Variants in PLCG1 observed in about 807,000 individuals in gnomAD.
The protein encoded by PLCG1 is phospholipase C gamma 1, also known as 1-phosphatidylinositol 4,5-bisphosphate phosphodiesterase gamma-1.
In PLCG1, 71 loss-of-function variants were observed where a neutral mutation model predicts 177.8. The ratio of observed to expected loss-of-function variants is 0.40; its 90% CI spans 0.33 to 0.49. The LOEUF (loss-of-function observed/expected upper bound fraction) is 0.49. PLCG1 is among the 20% of genes least tolerant of loss of function. The pLI is 0.72. For missense variants in PLCG1, 1,281 were observed against 1,709.0 expected (o/e 0.75, Z 4.42); for synonymous variants, 658 against 647.9 (o/e 1.02, Z -0.24).
At position 41,167,941 on chromosome 20, in the gene PLCG1, G is replaced by A. The variant is rs1434987885; in HGVS notation, c.2379+12G>A. ...TGCCAACTTTCAAGGTACAGCTCAG[G>A]CCTCTGGGCATAGGAAGCTGGGGAG... On this transcript the variant is annotated intron_variant, in intron 20 of 31. Transcript: ENST00000685551. The surrounding 1 kb of genome is among the most constrained non-coding windows in gnomAD (Gnocchi z 4.4). 2 of 1,600,850 alleles carry A rather than the reference G, an allele frequency of 1.2e-6. No homozygotes were observed. The highest frequency in any genetic ancestry group is 1.7e-6 in the Non-Finnish European group (2 of 1,168,308).
At position 41,174,034 on chromosome 20, in the gene PLCG1, G is replaced by T. The variant is rs1424556720; in HGVS notation, c.3645+23G>T. 6.2e-7 allele frequency: 1 copy of T among 1,611,204 alleles called. No individual in the cohort carries two copies. Among genetic ancestry groups the T allele is most frequent in the Non-Finnish European group, 8.5e-7 (1 of 1,177,562 alleles). On this transcript the variant is annotated intron_variant, in intron 30 of 31. Coordinates refer to ENST00000685551, the MANE Select transcript of PLCG1 (RefSeq NM_002660.3). This position sits in a 1 kb window ranked among gnomAD's most constrained non-coding sequence, Gnocchi z 5.8. ...AAGGTATCTGCAGCAGGGGTGGGCT[G>T]GCCTGGGGTAGGTGGGAGGAGAGCC...
At position 41,163,604 on chromosome 20, in the gene PLCG1, T is replaced by G. The variant is rs2035586303; in HGVS notation, c.892-111T>G. The G allele has an allele frequency of 1.9e-6, 2 of 1,053,152 alleles. No individual in the cohort carries two copies. Among genetic ancestry groups the G allele is most frequent in the Non-Finnish European group, 3.0e-6 (2 of 677,372 alleles). The allele number at this position is 1,053,152 out of a possible 1,614,324, so 65.2% of individuals were successfully genotyped here. ...CCTTGTTTCTACCTACTGTGCACCT[T>G]GCCCACCCCCAGTTGGGACAGAGCA... On this transcript the variant is annotated intron_variant, in intron 9 of 31. Coordinates refer to ENST00000685551, the MANE Select transcript of PLCG1 (RefSeq NM_002660.3). The surrounding 1 kb of genome is among the most constrained non-coding windows in gnomAD (Gnocchi z 5.2).
intron 1 of PLCG1, among the ~76,000 whole-genome samples, chr20:41,158,772 G>A (rs1230888379): frequency 1.3e-5 from 2 of 152,226 alleles, no homozygotes; most frequent in South Asian, 4.1e-4. Context: ...CCCAGAGCTC[G>A]TGCATGTTTT....
At position 41,165,268 on chromosome 20, in the gene PLCG1, T is replaced by C; in HGVS notation, c.1410T>C (p.Ser470=). The C allele has an allele frequency of 6.2e-7, 1 of 1,614,104 alleles. No homozygotes were observed. Residue 470 remains serine, a synonymous_variant, in exon 14 of 32, where the codon AGT becomes AGC. Transcript: ENST00000685551. This position sits in a 1 kb window ranked among gnomAD's most constrained non-coding sequence, Gnocchi z 6.6. ...LIKHKKLAEG[S]AYEEVPTSMM... ...AGCACAAGAAGCTGGCTGAGGGCAG[T>C]GCCTACGAGGAGGTGCCTACATCCA... is the stretch of plus-strand genomic sequence containing the variant.
In PLCG1 at chr20:41,157,202, C is replaced by CTGTG. The variant is rs1491358367; in HGVS notation, c.218-2403_218-2402insGTGT. Among the ~76,000 whole-genome samples the CTGTG allele has an allele frequency of 3.4e-5, 2 of 59,318 alleles. No individual in the cohort carries two copies. Among genetic ancestry groups the CTGTG allele is most frequent in the East Asian group, 9.5e-4 (1 of 1,058 alleles). 38.9% of individuals were successfully genotyped at this position (59,318 alleles called of 152,430 possible). ...ATGTGCAGGAGTGCAGGCCTGTTGACTCTGTGTGTGTGTGTGTGTGTGTGT... is the reference window on the plus strand; with the variant it reads ...ATGTGCAGGAGTGCAGGCCTGTTGACTGTGTCTGTGTGTGTGTGTGTGTGTGTGT... On this transcript the variant is annotated intron_variant, in intron 1 of 31. Transcript: ENST00000685551. This position sits in a 1 kb window ranked among gnomAD's most constrained non-coding sequence, Gnocchi z 5.4.
chr20:41,155,783 C>G (rs558569028), intron 1 of PLCG1, among the ~76,000 whole-genome samples: 4 of 152,250 alleles, frequency 2.6e-5, no homozygotes, highest in Non-Finnish European at 5.9e-5. Context: ...TGGGCTGTCT[C>G]CAGACTTCTC....
At position 41,165,100 on chromosome 20, in the gene PLCG1, A is replaced by C; in HGVS notation, c.1385A>C (p.Lys462Thr). 6.2e-7 allele frequency: 1 copy of C among 1,612,008 alleles called. No homozygotes were observed. The highest frequency in any genetic ancestry group is 8.5e-7 in the Non-Finnish European group (1 of 1,178,472). ...PNQLKRKILI[K>T]HKKLAEGSAY... ...CAGCTTAAGAGGAAGATCCTCATCAAGGTGGGGTGGCGGGCTTATTGCGGA... is the reference window on the plus strand; with the variant it reads ...CAGCTTAAGAGGAAGATCCTCATCACGGTGGGGTGGCGGGCTTATTGCGGA... The change falls in exon 13 of 32, where the codon AAG becomes ACG. Residue 462 changes from lysine (K) to threonine (T), a missense_variant and splice_region_variant. Physicochemically the swap from Lys to Thr is moderately conservative, Grantham distance 78. Transcript: ENST00000685551. The surrounding 1 kb of genome is among the most constrained non-coding windows in gnomAD (Gnocchi z 6.6).
chr20:41,171,681 C>T (rs974017056), intron 24 of PLCG1, among the ~76,000 whole-genome samples: 49 of 150,130 alleles, frequency 3.3e-4, no homozygotes, highest in African/African-American at 1.2e-3. Flanking sequence ...AGAGATTTGG[C>T]ATGGAGATTT....
chr20:41,150,568 C>T lies in PLCG1; in HGVS notation c.218-9038C>T, dbSNP rs1273630514. Among the ~76,000 whole-genome samples the T allele has an allele frequency of 6.6e-6, 1 of 152,138 alleles. No homozygotes were observed. Among genetic ancestry groups the T allele is most frequent in the Non-Finnish European group, 1.5e-5 (1 of 68,022 alleles). On this transcript the variant is annotated intron_variant, in intron 1 of 31. Transcript: ENST00000685551. This position sits in a 1 kb window ranked among gnomAD's most constrained non-coding sequence, Gnocchi z 4.0. ...CTAGACTCCTGACACAGAGGCTGAC[C>T]CATGGCTGCCTGGAGAATCTTCTGG...
chr20:41,172,998 G>A lies in PLCG1; in HGVS notation c.3279+121G>A. ...CATCAAGGTGGTCAGGGTGGGTGGG[G>A]CCTGAGCTGAGTCTTTGAAGGGGTG... On this transcript the variant is annotated intron_variant, in intron 27 of 31. Coordinates refer to ENST00000685551, the MANE Select transcript of PLCG1 (RefSeq NM_002660.3). The surrounding 1 kb of genome is among the most constrained non-coding windows in gnomAD (Gnocchi z 7.0). The A allele has an allele frequency of 9.9e-7, 1 of 1,010,868 alleles. No homozygotes were observed. The highest frequency in any genetic ancestry group is 1.4e-6 in the Non-Finnish European group (1 of 693,894). 62.6% of individuals were successfully genotyped at this position (1,010,868 alleles called of 1,614,324 possible).
rs894472822 is a variant in PLCG1 at position 41,165,729 on chromosome 20, C to T, written c.1702C>T (p.Leu568=). 8.1e-6 allele frequency: 13 copies of T among 1,613,942 alleles called. No homozygotes were observed. The Middle Eastern group carries it at 4.9e-4, about 61-fold the overall frequency. ...TGACGGGCGTCACATCGCTGAGCGC[C>T]TGCTTACTGAGTACTGCATCGAGAC... ...GRDGRHIAER[L]LTEYCIETGA... is the part of the protein sequence containing the mutation. Residue 568 remains leucine (L), a synonymous_variant, in exon 16 of 32, where the codon CTG becomes TTG. Coordinates refer to ENST00000685551, the MANE Select transcript of PLCG1 (RefSeq NM_002660.3). The surrounding 1 kb of genome is among the most constrained non-coding windows in gnomAD (Gnocchi z 6.6).
At chr20:41,168,590 T>G (rs919281377) in intron 20 of PLCG1, among the ~76,000 whole-genome samples, 177 bp from the exon 21 acceptor site, 3 of 152,218 alleles carry the variant, frequency 2.0e-5, no homozygotes, top group South Asian at 2.1e-4. Flanking sequence ...GTCCTGGAGC[T>G]TCCCTGCAGG....
Position 41,167,706 on chromosome 20 carries a change from C to A in PLCG1, c.2302-146C>A. 1.6e-6 allele frequency: 1 copy of A among 635,250 alleles called. No homozygotes were observed. 39.4% of individuals were successfully genotyped at this position (635,250 alleles called of 1,614,324 possible). ...GAGGCCGGGCCTGAGGCCTCTGAAG[C>A]CGTCTCTACTGAGGTCGAAGGATCC... On this transcript the variant is annotated intron_variant, in intron 19 of 31. Transcript: ENST00000685551. The surrounding 1 kb of genome is among the most constrained non-coding windows in gnomAD (Gnocchi z 4.4).
rs774651732 is a variant in PLCG1, at chr20:41,166,376, A to G, written c.1982A>G (p.Asn661Ser). Residue 661 changes from asparagine to serine, a missense_variant, in exon 17 of 32, where the codon AAC (asparagine) becomes AGC (serine). Asn to Ser is a conservative substitution (Grantham distance 46). This residue lies in a region of PLCG1 where 723 missense variants were observed against 1,030.0 expected (regional missense o/e 0.70). Transcript: ENST00000685551. The surrounding 1 kb of genome is among the most constrained non-coding windows in gnomAD (Gnocchi z 8.6). ...MRLSEPVPQT[N>S]AHESKEWYHA... ...CTTTCAGAGCCTGTCCCACAGACCA[A>G]CGCCCACGAGAGCAAAGAGTGAGGG... The G allele has an allele frequency of 4.3e-6, 7 of 1,613,940 alleles. No individual in the cohort carries two copies. The South Asian group carries it at 4.4e-5, about 10-fold the overall frequency.
Position 41,173,247 on chromosome 20 carries a change from C to G in PLCG1, c.3280-173C>G, listed in dbSNP as rs192097428. Reference sequence around the variant, plus strand: ...ACTTCAGATAAACTACAGGCAGCAGCTGCTCTGGACAGCTTAGGGTCCCTG... The same window carrying G: ...ACTTCAGATAAACTACAGGCAGCAGGTGCTCTGGACAGCTTAGGGTCCCTG... On this transcript the variant is annotated intron_variant, in intron 27 of 31. Transcript: ENST00000685551. The surrounding 1 kb of genome is among the most constrained non-coding windows in gnomAD (Gnocchi z 6.2). Among the ~76,000 whole-genome samples, 1 of 152,130 alleles carries G rather than the reference C, an allele frequency of 6.6e-6. No individual in the cohort carries two copies. The highest frequency in any genetic ancestry group is 1.5e-5 in the Non-Finnish European group (1 of 68,032).
rs537850559 is a variant in PLCG1, at chr20:41,166,781, T to C, written c.2223T>C (p.Tyr741=). 8.7e-6 allele frequency: 14 copies of C among 1,613,924 alleles called. No individual in the cohort carries two copies. The highest frequency in any genetic ancestry group is 3.3e-5 in the South Asian group (3 of 91,080). The change falls in exon 19 of 32, where the codon TAT becomes TAC. Residue 741 remains tyrosine (Y), a synonymous_variant. Coordinates refer to ENST00000685551, the MANE Select transcript of PLCG1 (RefSeq NM_002660.3). This position sits in a 1 kb window ranked among gnomAD's most constrained non-coding sequence, Gnocchi z 8.6. ...FDSLVDLISY[Y]EKHPLYRKMK... Reference sequence around the variant, plus strand: ...GCCTTGTTGACCTCATCAGCTACTATGAGAAACACCCGCTATACCGCAAGA... The same window carrying C: ...GCCTTGTTGACCTCATCAGCTACTACGAGAAACACCCGCTATACCGCAAGA...
Position 41,172,525 on chromosome 20 carries a change from A to G in PLCG1, c.3010A>G (p.Asn1004Asp). ...KAKGKKFLQY[N>D]RLQLSRIYPK... ...CAAAGGCAAGAAGTTCCTTCAGTAC[A>G]ATCGACTGCAGCTCTCCCGCATCTA... Residue 1004 changes from asparagine (N) to aspartate (D), a missense_variant, in exon 26 of 32, where the codon AAT (asparagine) becomes GAT (aspartate). By Grantham distance (23) the Asn-to-Asp change is conservative. This residue lies in a region of PLCG1 where 723 missense variants were observed against 1,030.0 expected (regional missense o/e 0.70). Coordinates refer to ENST00000685551, the MANE Select transcript of PLCG1 (RefSeq NM_002660.3). The surrounding 1 kb of genome is among the most constrained non-coding windows in gnomAD (Gnocchi z 7.0). 2 of 1,614,192 alleles carry G rather than the reference A, an allele frequency of 1.2e-6. No homozygotes were observed. Among genetic ancestry groups the G allele is most frequent in the Non-Finnish European group, 1.7e-6 (2 of 1,180,010 alleles).
intron 1 of PLCG1, among the ~76,000 whole-genome samples, chr20:41,154,105 A>G (rs781458541): frequency 2.0e-5 from 3 of 152,080 alleles, no homozygotes; most frequent in Admixed American, 6.5e-5. Context: ...TGGTGATTCT[A>G]TTTTGCAGAT....
At chr20:41,139,114 G>A (rs1485257098) in intron 1 of PLCG1, among the ~76,000 whole-genome samples, 2 of 151,978 alleles carry the variant, frequency 1.3e-5, no homozygotes, top group African/African-American at 4.8e-5. Context: ...TTGGGAGGAA[G>A]GAAGGTCTTG....
Sources: gnomAD v4.1 joint callset for allele counts (sites outside exome capture counted in the v4.1 genomes callset) on GRCh38, gnomAD v4.1.1 for gene constraint, gnomAD v4.1.1 regional missense constraint, Gnocchi (gnomAD v3.1) non-coding constraint, MANE v1.5 for transcripts, NCBI Gene and HGNC (gene_info 2026-07-23, HGNC 2026-07-21) for gene names.